Variants in FMN1 observed in about 807,000 individuals in gnomAD.
FMN1 encodes formin-1.
Under a neutral mutation model 132.4 loss-of-function variants are expected in FMN1, and 110 were observed. The ratio of observed to expected loss-of-function variants is 0.83; its 90% CI spans 0.71 to 0.97. The LOEUF is 0.97. Among genes scored for constraint, FMN1 ranks in the 50% least tolerant of loss-of-function variants. The pLI is 0.00. For synonymous variants in FMN1, 722 were observed against 651.7 expected (o/e 1.11, Z -1.64); for missense variants, 1,792 against 1,705.3 (o/e 1.05, Z -0.90).
intron 9 of FMN1, among the ~76,000 whole-genome samples, chr15:32,943,860 C>G (rs771390727): frequency 6.6e-6 from 1 of 152,090 alleles, no homozygotes; most frequent in Non-Finnish European, 1.5e-5. Flanking sequence ...ATTGGGAAAA[C>G]AGAGTGAGAG....
intron 9 of FMN1, among the ~76,000 whole-genome samples, chr15:32,961,646 A>G (rs2030567629): frequency 6.6e-6 from 1 of 152,208 alleles, no homozygotes; most frequent in African/African-American, 2.4e-5. Flanking sequence ...AAACAAGAGC[A>G]GCTGTCATAT....
intron 6 of FMN1, among the ~76,000 whole-genome samples, chr15:33,034,170 C>A (rs2036081702): frequency 1.3e-5 from 2 of 152,206 alleles, no homozygotes; most frequent in African/African-American, 4.8e-5. Context: ...CTGCTCAACA[C>A]TTCCTCATAC....
chr15:32,890,597 C>T (rs184282783), intron 15 of FMN1, among the ~76,000 whole-genome samples: 8 of 152,194 alleles, frequency 5.3e-5, no homozygotes, highest in East Asian at 1.9e-4. Context: ...TGTACTTCGC[C>T]GACTTTTTGA....
At chr15:32,847,015 G>A (rs935041908) in intron 17 of FMN1, among the ~76,000 whole-genome samples, 2 of 152,106 alleles carry the variant, frequency 1.3e-5, no homozygotes, top group African/African-American at 2.4e-5. Flanking sequence ...CTTCTACCTG[G>A]GGACATTTCC....
At chr15:33,127,163 C>CA (rs1184407636) in intron 4 of FMN1, among the ~76,000 whole-genome samples, 1 of 134,578 alleles carries the variant, frequency 7.4e-6, no homozygotes. Flanking sequence ...TACATTCTCT[C>CA]AAACAGAGAG....
intron 17 of FMN1, among the ~76,000 whole-genome samples, chr15:32,816,466 T>C (rs12324533): frequency 0.027 from 4,124 of 152,314 alleles, 174 homozygotes; most frequent in African/African-American, 0.093. Flanking sequence ...AAGAGGATTT[T>C]TGTTTTTCAT....
chr15:32,783,834 T>TA (rs1406653302), intron 19 of FMN1, among the ~76,000 whole-genome samples: 27 of 150,506 alleles, frequency 1.8e-4, no homozygotes, highest in African/African-American at 5.6e-4. Flanking sequence ...TCCCCACTGT[T>TA]ATAGCCTCAT....
intron 6 of FMN1, among the ~76,000 whole-genome samples, chr15:33,024,341 G>T (rs973972297): frequency 3.4e-5 from 5 of 146,300 alleles, no homozygotes; most frequent in Non-Finnish European, 3.0e-5. Flanking sequence ...CCGCCTACTG[G>T]GTTCATGCCA....
intron 16 of FMN1, among the ~76,000 whole-genome samples, chr15:32,883,537 A>AAAAAAAAAAAAAAAC (rs2059821643): frequency 6.8e-6 from 1 of 146,870 alleles, no homozygotes; most frequent in Non-Finnish European, 1.5e-5. Flanking sequence ...AAAAAAAAAA[A>AAAAAAAAAAAAAAAC]AAAAAGAATG....
At chr15:33,065,383 G>A (rs1289393505) in intron 5 of FMN1, among the ~76,000 whole-genome samples, 1 of 152,104 alleles carries the variant, frequency 6.6e-6, no homozygotes, top group Non-Finnish European at 1.5e-5. Flanking sequence ...TTGACCTGAA[G>A]GTACAGACAT....
At chr15:32,780,174 T>G (rs2056618767) in intron 19 of FMN1, among the ~76,000 whole-genome samples, 1 of 152,234 alleles carries the variant, frequency 6.6e-6, no homozygotes, top group African/African-American at 2.4e-5. Context: ...CAACTCCATC[T>G]TCAATAGAAG....
In FMN1 at chr15:32,969,459, C is replaced by A; in HGVS notation, c.2242G>T (p.Ala748Ser). Residue 748 changes from alanine to serine, a missense_variant, in exon 8 of 21, where the codon GCA becomes TCA. Transcript: ENST00000616417. ...ENLQAQFELR[A>S]FHIRGEHAMI... ...GCATGCTCGCCCCGGATATGAAATG[C>A]CCGAAGTTCAAACTGTGCCTATAGG... 6.2e-7 allele frequency: 1 copy of A among 1,613,624 alleles called. No individual in the cohort carries two copies. Among genetic ancestry groups the A allele is most frequent in the Non-Finnish European group, 8.5e-7 (1 of 1,179,716 alleles).
intron 17 of FMN1, chr15:32,811,137 A>G (rs1301177961): frequency 4.4e-6 from 2 of 455,206 alleles, no homozygotes; most frequent in African/African-American, 2.0e-5. Flanking sequence ...AGAAGAAAAC[A>G]ACAGATATTT....
intron 5 of FMN1, among the ~76,000 whole-genome samples, chr15:33,080,903 T>C (rs539970148): frequency 2.0e-5 from 3 of 148,846 alleles, no homozygotes; most frequent in Admixed American, 2.0e-4. Flanking sequence ...AAAAAAAAAA[T>C]TCCAGAGACT....
chr15:33,119,700 AT>A (rs1282074079), intron 4 of FMN1, among the ~76,000 whole-genome samples: 1 of 152,136 alleles, frequency 6.6e-6, no homozygotes, highest in Non-Finnish European at 1.5e-5. Flanking sequence ...AAATTTTTTC[AT>A]TTTTTTGAAT....
intron 3 of FMN1, among the ~76,000 whole-genome samples, chr15:33,173,534 T>TA (rs746961721): frequency 6.6e-5 from 10 of 152,186 alleles, no homozygotes; most frequent in Non-Finnish European, 1.3e-4. Flanking sequence ...GTAACCAGCA[T>TA]AGCACCATTT....
Position 33,154,885 on chromosome 15 carries a change from C to T in FMN1, c.30G>A (p.Leu10=), listed in dbSNP as rs1964609660. The change falls in exon 4 of 21, where the codon TTG becomes TTA. Residue 10 remains leucine (L), a synonymous_variant. Transcript: ENST00000616417. ...AGCAGAGTTCCGTAATGGGCTTATG[C>T]AATTGGAGGGTACAATGAGTGCCTT... The part of the protein sequence containing the change: MEGTHCTLQ[L]HKPITELCYI... The T allele has an allele frequency of 1.3e-6, 2 of 1,535,554 alleles. No homozygotes were observed. The highest frequency in any genetic ancestry group is 3.9e-5 in the Admixed American group (2 of 50,906).
Position 33,079,738 on chromosome 15 carries a change from T to C in FMN1, c.2043+9061A>G, listed in dbSNP as rs547159577. Among the ~76,000 whole-genome samples the C allele has an allele frequency of 9.2e-5, 14 of 152,384 alleles. No homozygotes were observed. In the East Asian group the frequency reaches 2.3e-3, roughly 25 times the overall value. On this transcript the variant is annotated intron_variant, in intron 5 of 20. Coordinates refer to ENST00000616417, the MANE Select transcript of FMN1 (RefSeq NM_001277313.2). ...AGAAAATAGAAATTCTATTTAAACA[T>C]GATAACCATCCTTCACATCAATTTC...
At chr15:33,069,710 C>T (rs1258685268) in intron 5 of FMN1, among the ~76,000 whole-genome samples, 1 of 152,190 alleles carries the variant, frequency 6.6e-6, no homozygotes, top group Non-Finnish European at 1.5e-5. Context: ...ATCCCATCAA[C>T]CACTAAGGGT....
Sources: gnomAD v4.1 joint callset for allele counts (sites outside exome capture counted in the v4.1 genomes callset) on GRCh38, gnomAD v4.1.1 for gene constraint, MANE v1.5 for transcripts, NCBI Gene and HGNC (gene_info 2026-07-23, HGNC 2026-07-21) for gene names.